The following PRMT1 variants were observed in gnomAD, a reference collection of about 807,000 sequenced individuals.
The protein encoded by PRMT1 is protein arginine N-methyltransferase 1.
A neutral mutation model predicts 47.4 loss-of-function variants in PRMT1; 5 were observed. The ratio of observed to expected loss-of-function variants is 0.11; its 90% CI spans 0.06 to 0.22. The LOEUF is 0.22. Among genes scored for constraint, PRMT1 ranks in the 10% least tolerant of loss-of-function variants. The pLI is 1.00. For synonymous variants in PRMT1, 227 were observed against 204.6 expected (o/e 1.11, Z -0.94); for missense variants, 249 against 518.4 (o/e 0.48, Z 5.05).
At chr19:49,676,800 C>T (rs1206596072), upstream of PRMT1, among the ~76,000 whole-genome samples, 6 of 152,192 alleles carry the variant, frequency 3.9e-5, no homozygotes, top group Non-Finnish European at 2.9e-5. Flanking sequence ...CTCCTTGAGG[C>T]CGGCCGCTTG....
Position 49,680,314 on chromosome 19 carries a change from G to T in PRMT1, c.91-173G>T, listed in dbSNP as rs375652517. On this transcript the variant is annotated intron_variant, in intron 2 of 10. Transcript: ENST00000454376. The surrounding 1 kb of genome is among the most constrained non-coding windows in gnomAD (Gnocchi z 4.2). ...GGTCCTGGAAGTGGAAAATGGGGTT[G>T]TTAGGTTTTGGGGTTCCTGGGGGGG... The T allele has an allele frequency of 3.2e-5, 41 of 1,299,226 alleles. No individual in the cohort carries two copies. The highest frequency in any genetic ancestry group is 1.9e-4 in the South Asian group (16 of 82,512). The allele number at this position is 1,299,226 out of a possible 1,614,324, so 80.5% of individuals were successfully genotyped here. A position where few individuals can be genotyped will look rare whatever the true frequency, so the allele number is the denominator to read the frequency against.
At chr19:49,683,719 C>G (rs903175687) in intron 5 of PRMT1, 2 of 549,742 alleles carry the variant, frequency 3.6e-6, no homozygotes, top group African/African-American at 3.9e-5. Context: ...GTAACATCAC[C>G]TGATACCCAG....
At chr19:49,686,300 C>T (rs1002036044) in intron 9 of PRMT1, 57 bp downstream of exon 9, 1 of 1,523,746 alleles carries the variant, frequency 6.6e-7, no homozygotes, top group Non-Finnish European at 8.8e-7. Flanking sequence ...GAGGCGCACC[C>T]ACGTAGTGGA....
intron 1 of PRMT1, among the ~76,000 whole-genome samples, chr19:49,679,368 C>T (rs2082081790): frequency 6.6e-6 from 1 of 152,164 alleles, no homozygotes; most frequent in African/African-American, 2.4e-5. Context: ...TACCCGTGTG[C>T]CACACCTCTA....
Position 49,688,433 on chromosome 19 carries a change from A to G in PRMT1, c.*188A>G. On this transcript the variant is annotated 3_prime_UTR_variant, in exon 11 of 11. Coordinates refer to ENST00000454376, the MANE Select transcript of PRMT1 (RefSeq NM_001536.6). The surrounding 1 kb of genome is among the most constrained non-coding windows in gnomAD (Gnocchi z 5.3). ...TTTATATGGTTGCATTTACGCCAATAAATCCTCAGCTGGGGTCTGGCTTTG... is the reference window on the plus strand; with the variant it reads ...TTTATATGGTTGCATTTACGCCAATGAATCCTCAGCTGGGGTCTGGCTTTG... The G allele has an allele frequency of 1.6e-6, 1 of 621,010 alleles. No individual in the cohort carries two copies. The highest frequency in any genetic ancestry group is 2.8e-6 in the Non-Finnish European group (1 of 352,202). The allele number at this position is 621,010 out of a possible 1,614,324, so 38.5% of individuals were successfully genotyped here.
In PRMT1 at chr19:49,687,305, A is replaced by G. The variant is rs945260828; in HGVS notation, c.1032+579A>G. On this transcript the variant is annotated intron_variant, in intron 10 of 10. Coordinates refer to ENST00000454376, the MANE Select transcript of PRMT1 (RefSeq NM_001536.6). ...GGAGACAGGGTCTGGGCAGAGATCC[A>G]GTGTGGTGGGTCTGAGCAGGCAGGA... Among the ~76,000 whole-genome samples, 7 of 152,078 alleles carry G rather than the reference A, an allele frequency of 4.6e-5. No individual in the cohort carries two copies. The East Asian group carries it at 1.3e-3, about 29-fold the overall frequency.
At chr19:49,677,193 C>G (rs1325310540), upstream of PRMT1, 4 of 1,280,748 alleles carry the variant, frequency 3.1e-6, no homozygotes, top group African/African-American at 6.1e-5. Flanking sequence ...GTAGGCGGGC[C>G]GTGGACCCTC....
Position 49,684,269 on chromosome 19 carries a change from T to C in PRMT1, c.555+200T>C, listed in dbSNP as rs1178854531. On this transcript the variant is annotated intron_variant, in intron 6 of 10. Coordinates refer to ENST00000454376, the MANE Select transcript of PRMT1 (RefSeq NM_001536.6). The surrounding 1 kb of genome is among the most constrained non-coding windows in gnomAD (Gnocchi z 6.2). ...TGGGGGAGGTCGTAGGAACAGGAAA[T>C]CCGTAGCGGCGCAATAGCCCAGGTC... Among the ~76,000 whole-genome samples the C allele has an allele frequency of 6.6e-6, 1 of 151,158 alleles. No individual in the cohort carries two copies. Among genetic ancestry groups the C allele is most frequent in the Admixed American group, 6.6e-5 (1 of 15,200 alleles).
At chr19:49,686,565 G>A (rs542276535) in intron 9 of PRMT1, 40 bp from the exon 10 acceptor site, 19 of 1,505,214 alleles carry the variant, frequency 1.3e-5, no homozygotes, top group Admixed American at 1.8e-5. Flanking sequence ...GGTTGGGGGG[G>A]GCAGCAGGCC....
chr19:49,683,770 A>G (rs2082160351), intron 5 of PRMT1, 157 bp from the exon 6 acceptor site: 2 of 772,084 alleles, frequency 2.6e-6, no homozygotes, highest in Non-Finnish European at 4.1e-6. Flanking sequence ...AATGTCCAGA[A>G]CGATGTATGA....
At chr19:49,682,494 G>A (rs2082133954) in intron 5 of PRMT1, among the ~76,000 whole-genome samples, 1 of 152,208 alleles carries the variant, frequency 6.6e-6, no homozygotes, top group African/African-American at 2.4e-5. Context: ...GAGTAATAGA[G>A]TCACGTGGTT....
At chr19:49,687,560 T>G (rs2082227187) in intron 10 of PRMT1, among the ~76,000 whole-genome samples, 1 of 150,054 alleles carries the variant, frequency 6.7e-6, no homozygotes, top group African/African-American at 2.4e-5. Context: ...CATTTGTGGT[T>G]GTCACTCCGG....
rs1000295101 is a variant in PRMT1, at chr19:49,688,085, C to T, written c.1033-77C>T. On this transcript the variant is annotated intron_variant, in intron 10 of 10. Coordinates refer to ENST00000454376, the MANE Select transcript of PRMT1 (RefSeq NM_001536.6). This position sits in a 1 kb window ranked among gnomAD's most constrained non-coding sequence, Gnocchi z 5.3. The stretch of plus-strand genomic sequence containing the variant: ...AGGAAGCTGGAGCCCGGCTCATCGT[C>T]GCATAGCCTGCCTGCACCCGCCCCC... 38 of 1,274,918 alleles carry T rather than the reference C, an allele frequency of 3.0e-5. No homozygotes were observed. Among genetic ancestry groups the T allele is most frequent in the African/African-American group, 1.6e-4 (11 of 67,964 alleles). The allele number at this position is 1,274,918 out of a possible 1,614,324, so 79.0% of individuals were successfully genotyped here. A position where few individuals can be genotyped will look rare whatever the true frequency, so the allele number is the denominator to read the frequency against.
At chr19:49,678,969 C>T (rs1178954376) in intron 1 of PRMT1, among the ~76,000 whole-genome samples, 2 of 151,540 alleles carry the variant, frequency 1.3e-5, no homozygotes, top group Admixed American at 6.6e-5. Context: ...TTGCAACCTC[C>T]GCCTCCCGGG....
In PRMT1 at chr19:49,684,866, G is replaced by A. The variant is rs1240300010; in HGVS notation, c.643+25G>A. 7 of 1,611,362 alleles carry A rather than the reference G, an allele frequency of 4.3e-6. No homozygotes were observed. The highest frequency in any genetic ancestry group is 5.9e-6 in the Non-Finnish European group (7 of 1,178,366). ...TGTGAGCGCGGCCCGGGAGCTGGCG[G>A]GCGGGGCCTCGGGTGGGCTGCTGCG... On this transcript the variant is annotated intron_variant, in intron 7 of 10. Transcript: ENST00000454376. The surrounding 1 kb of genome is among the most constrained non-coding windows in gnomAD (Gnocchi z 6.2).
rs534133722 is a variant in PRMT1, at chr19:49,684,486, G to A, written c.556-268G>A. On this transcript the variant is annotated intron_variant, in intron 6 of 10. Transcript: ENST00000454376. The surrounding 1 kb of genome is among the most constrained non-coding windows in gnomAD (Gnocchi z 6.2). ...GGGTGACAGGGCGTGTGCAGATTTT[G>A]TGGAGGCTTATGGGACCCCGTGCTT... Among the ~76,000 whole-genome samples the A allele has an allele frequency of 6.4e-4, 98 of 152,164 alleles. 1 individual carries two copies. Among genetic ancestry groups the A allele is most frequent in the Non-Finnish European group, 1.1e-3 (73 of 68,010 alleles).
intron 1 of PRMT1, chr19:49,677,679 G>C (rs2738831): frequency 2.7e-5 from 5 of 183,672 alleles, no homozygotes; most frequent in African/African-American, 1.2e-4. Context: ...CGGCCGGGGA[G>C]GGGCGCCCAG....
intron 9 of PRMT1, 79 bp downstream of exon 9, chr19:49,686,322 A>G: frequency 6.7e-7 from 1 of 1,484,114 alleles, no homozygotes; most frequent in South Asian, 1.3e-5. Flanking sequence ...GGGGTGACAG[A>G]AACGGGCAGA....
Position 49,680,436 on chromosome 19 carries a change from G to C in PRMT1, c.91-51G>C. 7.0e-7 allele frequency: 1 copy of C among 1,437,270 alleles called. No individual in the cohort carries two copies. Among genetic ancestry groups the C allele is most frequent in the East Asian group, 2.3e-5 (1 of 43,960 alleles). The allele number at this position is 1,437,270 out of a possible 1,614,324, so 89.0% of individuals were successfully genotyped here. A position where few individuals can be genotyped will look rare whatever the true frequency, so the allele number is the denominator to read the frequency against. ...AAGTAGGGCGCTGGAGGTTTAAGAG[G>C]CTGTGGGGAGCCCCCAGATCTGACC... On this transcript the variant is annotated intron_variant, in intron 2 of 10. Coordinates refer to ENST00000454376, the MANE Select transcript of PRMT1 (RefSeq NM_001536.6). The surrounding 1 kb of genome is among the most constrained non-coding windows in gnomAD (Gnocchi z 4.2).
Sources: allele counts gnomAD v4.1 joint callset (sites outside exome capture counted in the v4.1 genomes callset), GRCh38; gene constraint gnomAD v4.1.1; non-coding constraint Gnocchi (gnomAD v3.1); transcripts MANE v1.5; gene names NCBI Gene and HGNC (gene_info 2026-07-23, HGNC 2026-07-21).